The following SLC9A9 variants were observed in gnomAD, a reference collection of about 807,000 sequenced individuals.
SLC9A9 encodes the protein solute carrier family 9 member A9.
A neutral mutation model predicts 77.8 loss-of-function variants in SLC9A9; 62 were observed. That is an observed-to-expected ratio of 0.80 (90% CI 0.65 to 0.98). The LOEUF (loss-of-function observed/expected upper bound fraction) is 0.98, where lower values mean the gene tolerates loss of function less well. Among genes scored for constraint, SLC9A9 ranks in the 50% least tolerant of loss-of-function variants. The probability of loss-of-function intolerance (pLI) is 0.00; values close to 1 mark genes in which losing one functional copy is unlikely to be tolerated. For synonymous variants in SLC9A9, 320 were observed against 283.5 expected, an observed-to-expected ratio of 1.13 and a Z score of -1.29; for missense variants, 775 against 774.9, an observed-to-expected ratio of 1.00 and a Z score of 0.00.
At chr3:143,403,780 T>C (rs1043848114) in intron 12 of SLC9A9, among the ~76,000 whole-genome samples, 3 of 152,210 alleles carry the variant, frequency 2.0e-5, no homozygotes, top group African/African-American at 7.2e-5. Flanking sequence ...TTTCAACACT[T>C]TGAGTATAAT....
chr3:143,657,279 C>T (rs2038906754), intron 5 of SLC9A9, among the ~76,000 whole-genome samples: 1 of 152,180 alleles, frequency 6.6e-6, no homozygotes, highest in South Asian at 2.1e-4. Context: ...TTAAGTTACA[C>T]AAAACATCAT....
intron 6 of SLC9A9, among the ~76,000 whole-genome samples, chr3:143,646,699 A>G (rs1262292196): frequency 6.6e-6 from 1 of 152,148 alleles, no homozygotes; most frequent in Non-Finnish European, 1.5e-5. Context: ...TCTTAGAATA[A>G]ATTTCTAGAA....
intron 4 of SLC9A9, among the ~76,000 whole-genome samples, chr3:143,741,826 T>C (rs1464672226): frequency 6.6e-6 from 1 of 152,140 alleles, no homozygotes; most frequent in African/African-American, 2.4e-5. Flanking sequence ...CTAACTTAAC[T>C]GACTCCATCT....
At chr3:143,630,118 A>C (rs896231161) in intron 6 of SLC9A9, among the ~76,000 whole-genome samples, 5 of 152,110 alleles carry the variant, frequency 3.3e-5, no homozygotes, top group Admixed American at 6.6e-5. Flanking sequence ...AGAAAAAAAA[A>C]CTGACAGACA....
intron 2 of SLC9A9, among the ~76,000 whole-genome samples, chr3:143,828,425 T>C (rs2009354354): frequency 6.6e-6 from 1 of 152,148 alleles, no homozygotes; most frequent in Non-Finnish European, 1.5e-5. Flanking sequence ...GGTCCCTGCC[T>C]TTGTGAAGTT....
At chr3:143,269,384 G>T (rs151102507) in intron 14 of SLC9A9, among the ~76,000 whole-genome samples, 1 of 152,192 alleles carries the variant, frequency 6.6e-6, no homozygotes. Flanking sequence ...GATGCAAGAG[G>T]TATTTTATAA....
chr3:143,466,626 G>C (rs191650393), intron 12 of SLC9A9, among the ~76,000 whole-genome samples: 1 of 152,242 alleles, frequency 6.6e-6, no homozygotes, highest in East Asian at 1.9e-4. Flanking sequence ...GTGCGGTGAG[G>C]AATTAAAAAA....
At chr3:143,820,262 A>C (rs893238656) in intron 2 of SLC9A9, among the ~76,000 whole-genome samples, 1 of 152,206 alleles carries the variant, frequency 6.6e-6, no homozygotes, top group Non-Finnish European at 1.5e-5. Context: ...CCTACTCATA[A>C]GTGGGTTCAG....
chr3:143,606,159 C>A, intron 6 of SLC9A9, among the ~76,000 whole-genome samples: 1 of 145,588 alleles, frequency 6.9e-6, no homozygotes, highest in East Asian at 2.0e-4. Context: ...TAGCACAGCA[C>A]GTTGGGAGGC....
At chr3:143,373,147 A>G (rs1010759453) in intron 13 of SLC9A9, among the ~76,000 whole-genome samples, 1 of 152,220 alleles carries the variant, frequency 6.6e-6, no homozygotes, top group Admixed American at 6.5e-5. Flanking sequence ...AGACACCTGC[A>G]CATGTATATT....
intron 14 of SLC9A9, among the ~76,000 whole-genome samples, chr3:143,295,285 ACT>A (rs1366748998): frequency 2.0e-5 from 3 of 151,644 alleles, no homozygotes; most frequent in Non-Finnish European, 4.4e-5. Flanking sequence ...TCCTTACTAC[ACT>A]CTGTTACTTG....
Position 143,316,669 on chromosome 3 carries a change from T to C in SLC9A9, c.1604+46815A>G, listed in dbSNP as rs1463930172. ...GAAATAATGCACCCTGGGCATTGGA[T>C]AAACTCTGACCTTCTGACATGGTCC... On this transcript the variant is annotated intron_variant, in intron 14 of 15. Transcript: ENST00000316549. 2.0e-5 allele frequency among the ~76,000 whole-genome samples: 3 copies of C among 152,166 alleles called. No individual in the cohort carries two copies. The East Asian group carries it at 5.8e-4, about 29-fold the overall frequency.
chr3:143,585,467 A>G (rs935023707), intron 6 of SLC9A9, among the ~76,000 whole-genome samples: 3 of 152,176 alleles, frequency 2.0e-5, no homozygotes, highest in East Asian at 1.9e-4. Flanking sequence ...CCCTCTTTAC[A>G]GGACTGAACC....
intron 4 of SLC9A9, among the ~76,000 whole-genome samples, chr3:143,765,093 C>CTT (rs2007269117): frequency 6.9e-6 from 1 of 144,126 alleles, no homozygotes. Flanking sequence ...TTCTTTCTCT[C>CTT]TTTCTTTCTT....
intron 9 of SLC9A9, among the ~76,000 whole-genome samples, chr3:143,511,743 C>T (rs968195492): frequency 6.6e-6 from 1 of 152,206 alleles, no homozygotes; most frequent in African/African-American, 2.4e-5. Flanking sequence ...GCACACCCTC[C>T]TTTCCTTGGA....
At chr3:143,493,150 GTT>G (rs1278474533) in intron 11 of SLC9A9, among the ~76,000 whole-genome samples, 1 of 152,106 alleles carries the variant, frequency 6.6e-6, no homozygotes, top group Non-Finnish European at 1.5e-5. Flanking sequence ...ATTAATATTC[GTT>G]TTCTCAACTA....
At chr3:143,590,507 A>T (rs904750036) in intron 6 of SLC9A9, among the ~76,000 whole-genome samples, 6 of 152,244 alleles carry the variant, frequency 3.9e-5, no homozygotes, top group African/African-American at 1.4e-4. Flanking sequence ...TTAGAGTTTG[A>T]TCAAATATTG....
intron 6 of SLC9A9, among the ~76,000 whole-genome samples, chr3:143,628,541 C>A (rs1012698017): frequency 6.6e-6 from 1 of 152,104 alleles, no homozygotes; most frequent in South Asian, 2.1e-4. Flanking sequence ...TTAGAGTTGA[C>A]AATACTGTAA....
intron 5 of SLC9A9, among the ~76,000 whole-genome samples, chr3:143,667,479 A>G (rs1425280137): frequency 6.6e-6 from 1 of 152,224 alleles, no homozygotes; most frequent in Non-Finnish European, 1.5e-5. Flanking sequence ...AAATTGACAA[A>G]TGGGATCTAA....
Sources: gnomAD v4.1 joint callset for allele counts (sites outside exome capture counted in the v4.1 genomes callset) on GRCh38, gnomAD v4.1.1 for gene constraint, MANE v1.5 for transcripts, NCBI Gene and HGNC (gene_info 2026-07-23, HGNC 2026-07-21) for gene names.